The following RBFOX3 variants were observed in gnomAD, a reference collection of about 807,000 sequenced individuals.
RBFOX3 encodes the protein RNA binding fox-1 homolog 3.
Under a neutral mutation model 48.7 loss-of-function variants are expected in RBFOX3, and 17 were observed. The observed-to-expected ratio is 0.35, with a 90% CI of 0.24 to 0.52. RBFOX3 has a LOEUF of 0.52. Ranked by LOEUF, RBFOX3 falls within the 20% of genes least tolerant of loss-of-function variation. The pLI is 0.94. For missense variants in RBFOX3, 382 were observed against 497.5 expected, an observed-to-expected ratio of 0.77 and a Z score of 2.21; for synonymous variants, 212 against 209.5, an observed-to-expected ratio of 1.01 and a Z score of -0.10.
rs1183567910 is a variant in RBFOX3 at position 79,423,168 on chromosome 17, G to C, written c.-175+59286C>G. Among the ~76,000 whole-genome samples, 1 of 152,140 alleles carries C rather than the reference G, an allele frequency of 6.6e-6. No homozygotes were observed. The highest frequency in any genetic ancestry group is 1.9e-4 in the East Asian group (1 of 5,186). On this transcript the variant is annotated intron_variant, in intron 2 of 14. Transcript: ENST00000693108. The surrounding 1 kb of genome is among the most constrained non-coding windows in gnomAD (Gnocchi z 4.9). ...GTCACCCCCACCAGAGTTTTCAAAC[G>C]TGTCTTGGCGTCACATGTCCAAAAC... is the stretch of plus-strand genomic sequence containing the variant.
chr17:79,226,743 A>G (rs1164892663), intron 4 of RBFOX3, among the ~76,000 whole-genome samples: 2 of 152,220 alleles, frequency 1.3e-5, no homozygotes, highest in African/African-American at 4.8e-5. Flanking sequence ...ATGGGGGTTT[A>G]GCAGTCACCA....
intron 3 of RBFOX3, among the ~76,000 whole-genome samples, chr17:79,306,692 G>C (rs1336206127): frequency 2.0e-5 from 3 of 152,146 alleles, no homozygotes; most frequent in Admixed American, 6.5e-5. Context: ...GAAGGTCCAG[G>C]GTGCCCTGCC....
At chr17:79,288,412 T>C (rs1376015286) in intron 3 of RBFOX3, among the ~76,000 whole-genome samples, 1 of 152,112 alleles carries the variant, frequency 6.6e-6, no homozygotes, top group African/African-American at 2.4e-5. Context: ...CTCCTGGCCT[T>C]CTTCTGCAGG....
intron 2 of RBFOX3, among the ~76,000 whole-genome samples, chr17:79,379,659 G>C (rs58453406): frequency 0.28 from 42,631 of 152,058 alleles, 6,068 homozygotes; most frequent in Middle Eastern, 0.33. Context: ...TGGCTCCAGG[G>C]CTACACTGCG....
At chr17:79,253,386 C>G (rs1231242113) in intron 3 of RBFOX3, among the ~76,000 whole-genome samples, 1 of 152,132 alleles carries the variant, frequency 6.6e-6, no homozygotes, top group Non-Finnish European at 1.5e-5. Context: ...TGAAAAAAAC[C>G]TCTTCTGTAT....
the RBFOX3 span, among the ~76,000 whole-genome samples, chr17:79,658,408 TC>T: frequency 9.3e-6 from 1 of 106,994 alleles, no homozygotes; most frequent in African/African-American, 3.7e-5. Context: ...TCTCCCTCTC[TC>T]CCGCCATCTC....
At chr17:79,167,682 C>T (rs2145592594) in intron 4 of RBFOX3, among the ~76,000 whole-genome samples, 1 of 152,332 alleles carries the variant, frequency 6.6e-6, no homozygotes, top group Non-Finnish European at 1.5e-5. Context: ...GGGTCCCCTG[C>T]AGTCCCGCCA....
intron 4 of RBFOX3, among the ~76,000 whole-genome samples, chr17:79,169,383 T>TCTG (rs1284654334): frequency 6.6e-6 from 1 of 151,926 alleles, no homozygotes; most frequent in East Asian, 1.9e-4. Context: ...GGGCAGTCCC[T>TCTG]CTCCTCCTCC....
rs1359762102 is a variant in RBFOX3 at position 79,477,301 on chromosome 17, A to C, written c.-175+5153T>G. 1.3e-5 allele frequency among the ~76,000 whole-genome samples: 2 copies of C among 150,302 alleles called. No individual in the cohort carries two copies. Among genetic ancestry groups the C allele is most frequent in the African/African-American group, 2.4e-5 (1 of 40,866 alleles). ...AGAGGGCGCGGTGGCTCACACCTGT[A>C]ATCCCAGCACTTTGGGAGGCCAAGG... On this transcript the variant is annotated intron_variant, in intron 2 of 14. Transcript: ENST00000693108. This position sits in a 1 kb window ranked among gnomAD's most constrained non-coding sequence, Gnocchi z 4.8.
chr17:79,201,323 G>T (rs1031681417), intron 4 of RBFOX3, among the ~76,000 whole-genome samples: 2 of 152,186 alleles, frequency 1.3e-5, no homozygotes, highest in Admixed American at 1.3e-4. Flanking sequence ...GGGAATGTGG[G>T]GGATGACCTG....
intron 2 of RBFOX3, among the ~76,000 whole-genome samples, chr17:79,410,595 C>T (rs1016382273): frequency 2.6e-5 from 4 of 152,280 alleles, no homozygotes; most frequent in African/African-American, 9.6e-5. Context: ...CAAAGGGGAA[C>T]TTCTCCACTG....
chr17:79,524,224 G>C (rs2150021559), intron 1 of RBFOX3, among the ~76,000 whole-genome samples: 1 of 152,310 alleles, frequency 6.6e-6, no homozygotes, highest in East Asian at 1.9e-4. Flanking sequence ...GGGTACTGCA[G>C]ACAACAATGT....
At chr17:79,280,488 C>T (rs2070144061) in intron 3 of RBFOX3, among the ~76,000 whole-genome samples, 1 of 152,220 alleles carries the variant, frequency 6.6e-6, no homozygotes, top group Non-Finnish European at 1.5e-5. Context: ...AGGCCTCCCA[C>T]ACCGGAGCTC....
At chr17:79,620,045 ACG>A in the RBFOX3 span, among the ~76,000 whole-genome samples, 1 of 151,428 alleles carries the variant, frequency 6.6e-6, no homozygotes, top group Non-Finnish European at 1.5e-5. Context: ...ATATGCACAC[ACG>A]CACATGCACA....
intron 4 of RBFOX3, among the ~76,000 whole-genome samples, chr17:79,123,364 G>A (rs1445373402): frequency 6.6e-6 from 1 of 152,104 alleles, no homozygotes; most frequent in Non-Finnish European, 1.5e-5. Context: ...ACAATTAAAA[G>A]TAAGAAAAAC....
intron 2 of RBFOX3, among the ~76,000 whole-genome samples, chr17:79,476,428 A>C (rs2077769980): frequency 6.6e-6 from 1 of 152,216 alleles, no homozygotes; most frequent in African/African-American, 2.4e-5. Flanking sequence ...TCAGCCAACA[A>C]GTATAGGGCA....
At chr17:79,356,373 T>TTTTG (rs1555684871) in intron 2 of RBFOX3, among the ~76,000 whole-genome samples, 1 of 88,986 alleles carries the variant, frequency 1.1e-5, no homozygotes. Flanking sequence ...TTTTTTTTTT[T>TTTTG]TTTTTTTTTT....
chr17:79,419,156 G>T (rs1423486590), intron 2 of RBFOX3, among the ~76,000 whole-genome samples: 2 of 152,116 alleles, frequency 1.3e-5, no homozygotes, highest in African/African-American at 4.8e-5. Flanking sequence ...GGGCTGCCCG[G>T]CCATGCCTGT....
chr17:79,112,444 G>C (rs982043284), intron 5 of RBFOX3, among the ~76,000 whole-genome samples: 1 of 152,186 alleles, frequency 6.6e-6, no homozygotes, highest in Non-Finnish European at 1.5e-5. Flanking sequence ...GCAGGAAGAG[G>C]CCTCGTGGTT....
Sources: allele counts gnomAD v4.1 joint callset (sites outside exome capture counted in the v4.1 genomes callset), GRCh38; gene constraint gnomAD v4.1.1; non-coding constraint Gnocchi (gnomAD v3.1); transcripts MANE v1.5; gene names NCBI Gene and HGNC (gene_info 2026-07-23, HGNC 2026-07-21).